OSBPL10: variants seen among roughly 807,000 people sequenced by gnomAD.
OSBPL10 encodes oxysterol binding protein like 10.
A neutral mutation model predicts 81.7 loss-of-function variants in OSBPL10; 49 were observed. The observed-to-expected ratio is 0.60, with a 90% confidence interval of 0.48 to 0.76. The LOEUF (loss-of-function observed/expected upper bound fraction) is 0.76. OSBPL10 is among the 30% of genes least tolerant of loss of function. The pLI is 0.00. For synonymous variants in OSBPL10, 419 were observed against 383.6 expected, an observed-to-expected ratio of 1.09 and a Z score of -1.08; for missense variants, 923 against 987.8, an observed-to-expected ratio of 0.93 and a Z score of 0.88.
intron 4 of OSBPL10, among the ~76,000 whole-genome samples, chr3:31,776,233 C>T (rs1240398619): frequency 6.6e-6 from 1 of 152,134 alleles, no homozygotes; most frequent in African/African-American, 2.4e-5. Context: ...AACATCATTA[C>T]TCATGAGGGA....
chr3:31,733,688 T>C (rs978154938), intron 5 of OSBPL10, among the ~76,000 whole-genome samples: 1 of 42,460 alleles, frequency 2.4e-5, no homozygotes, highest in Admixed American at 3.2e-4. Context: ...TAAAGGTGTT[T>C]TTTTTTTTTT....
intron 1 of OSBPL10, among the ~76,000 whole-genome samples, chr3:31,940,001 A>G (rs9839440): frequency 0.28 from 42,193 of 152,184 alleles, 6,994 homozygotes; most frequent in East Asian, 0.55. Flanking sequence ...GACTATAGGC[A>G]TAAGCCACTA....
In OSBPL10 at chr3:31,850,906, T is replaced by C. The variant is rs139141254; in HGVS notation, c.538-20675A>G. The stretch of plus-strand genomic sequence containing the variant: ...CCAATGATAGAACTATTGAGAAGAA[T>C]ACTCGAGTTTCTTCCATTCCTGAAC... On this transcript the variant is annotated intron_variant, in intron 3 of 11. Coordinates refer to ENST00000396556, the MANE Select transcript of OSBPL10 (RefSeq NM_017784.5). Among the ~76,000 whole-genome samples the C allele has an allele frequency of 3.4e-3, 513 of 152,308 alleles. 5 individuals carry two copies. The highest frequency in any genetic ancestry group is 0.012 in the African/African-American group (490 of 41,580).
At chr3:31,705,372 A>ACC (rs3840254) in intron 6 of OSBPL10, among the ~76,000 whole-genome samples, 19 of 130,628 alleles carry the variant, frequency 1.5e-4, no homozygotes, top group African/African-American at 5.0e-4. Flanking sequence ...CAAAGAGAAG[A>ACC]CCCCCCCCCC....
chr3:31,860,737 A>G (rs1261168826), intron 3 of OSBPL10, among the ~76,000 whole-genome samples: 1 of 152,126 alleles, frequency 6.6e-6, no homozygotes, highest in Non-Finnish European at 1.5e-5. Flanking sequence ...GTGCAGTGGC[A>G]CAATATCGGC....
At chr3:31,697,977 T>C (rs947754571) in intron 7 of OSBPL10, among the ~76,000 whole-genome samples, 1 of 151,900 alleles carries the variant, frequency 6.6e-6, no homozygotes. Context: ...TTGGCCAGGC[T>C]GGTCTCGAAC....
Position 31,747,911 on chromosome 3 carries a change from C to A in OSBPL10, c.939G>T (p.Ser313=). 1 of 1,613,220 alleles carries A rather than the reference C, an allele frequency of 6.2e-7. No homozygotes were observed. Among genetic ancestry groups the A allele is most frequent in the South Asian group, 1.1e-5 (1 of 91,026 alleles). Reference sequence around the variant, plus strand: ...TGGACAAGCCCCCGGGGGTCTTACCCGAGGCTCCTGGCTTCTGGCTGGGCT... The same window carrying A: ...TGGACAAGCCCCCGGGGGTCTTACCAGAGGCTCCTGGCTTCTGGCTGGGCT... ...AGQPSQKPGA[S]ENILGWHGSK... is the part of the protein sequence containing the mutation. The change falls in exon 5 of 12, where the codon TCG becomes TCT. Residue 313 remains serine (S), a splice_region_variant and synonymous_variant. Transcript: ENST00000396556.
At chr3:31,741,874 G>A (rs918336261) in intron 5 of OSBPL10, among the ~76,000 whole-genome samples, 4 of 152,136 alleles carry the variant, frequency 2.6e-5, no homozygotes, top group Admixed American at 1.3e-4. Context: ...TTTTAAAAAC[G>A]GGAGTTTCTC....
At chr3:31,698,195 A>C (rs892057566) in intron 7 of OSBPL10, among the ~76,000 whole-genome samples, 5 of 152,010 alleles carry the variant, frequency 3.3e-5, no homozygotes, top group Non-Finnish European at 7.4e-5. Context: ...CACGTCTGTA[A>C]TACCAGCACT....
At chr3:31,692,951 G>A (rs1242268994) in intron 7 of OSBPL10, among the ~76,000 whole-genome samples, 3 of 152,344 alleles carry the variant, frequency 2.0e-5, no homozygotes, top group African/African-American at 7.2e-5. Context: ...GACAGAAAGG[G>A]AGAAAGAATG....
At chr3:31,952,451 C>T (rs1559530108) in intron 1 of OSBPL10, among the ~76,000 whole-genome samples, 1 of 152,226 alleles carries the variant, frequency 6.6e-6, no homozygotes, top group Non-Finnish European at 1.5e-5. Flanking sequence ...CGTGAGAGCA[C>T]TTTGCATGCT....
intron 8 of OSBPL10, among the ~76,000 whole-genome samples, chr3:31,682,729 T>C (rs561755655): frequency 6.6e-6 from 1 of 152,370 alleles, no homozygotes; most frequent in Admixed American, 6.5e-5. Flanking sequence ...TTTATTTCAT[T>C]TCCCCGTGAG....
chr3:31,798,951 T>C (rs940979996), intron 4 of OSBPL10, among the ~76,000 whole-genome samples: 1 of 152,184 alleles, frequency 6.6e-6, no homozygotes. Context: ...TGAACTCCTA[T>C]GAGAATCTAA....
chr3:31,825,727 A>G (rs796110055), intron 4 of OSBPL10, among the ~76,000 whole-genome samples: 1 of 152,202 alleles, frequency 6.6e-6, no homozygotes, highest in Non-Finnish European at 1.5e-5. Context: ...GATTATGACT[A>G]CTTTCAAAAT....
chr3:31,921,650 C>A (rs1696918968), intron 1 of OSBPL10, among the ~76,000 whole-genome samples: 1 of 152,156 alleles, frequency 6.6e-6, no homozygotes, highest in Admixed American at 6.5e-5. Context: ...ACAAATCTCC[C>A]AGGCATCAGA....
intron 1 of OSBPL10, among the ~76,000 whole-genome samples, chr3:32,076,634 A>G (rs1055109383): frequency 6.6e-6 from 1 of 152,156 alleles, no homozygotes; most frequent in African/African-American, 2.4e-5. Context: ...GGGAATTGCA[A>G]TAAAGAAAGA....
rs560598659 is a variant in OSBPL10 at position 31,744,257 on chromosome 3, C to A, written c.940+3653G>T. Among the ~76,000 whole-genome samples the A allele has an allele frequency of 3.3e-5, 5 of 152,134 alleles. No individual in the cohort carries two copies. The East Asian group carries it at 9.7e-4, about 29-fold the overall frequency. ...AACAGTCCAAAAGAAGGAGAGTGAG[C>A]TAGCCAGGTGCGGTGGCTCACGCCT... On this transcript the variant is annotated intron_variant, in intron 5 of 11. Transcript: ENST00000396556.
chr3:31,717,484 G>A lies in OSBPL10; in HGVS notation c.1096-14976C>T, dbSNP rs573027648. Among the ~76,000 whole-genome samples, 14 of 152,204 alleles carry A rather than the reference G, an allele frequency of 9.2e-5. No individual in the cohort carries two copies. The East Asian group carries it at 2.5e-3, about 27-fold the overall frequency. The stretch of plus-strand genomic sequence containing the variant: ...GAAGAAAGCATCTGGCAGAAAACAG[G>A]CTCTAGCATTTTGTAGAAAAAAAAG... On this transcript the variant is annotated intron_variant, in intron 6 of 11. Coordinates refer to ENST00000396556, the MANE Select transcript of OSBPL10 (RefSeq NM_017784.5).
chr3:31,944,467 A>C (rs183236092), intron 1 of OSBPL10, among the ~76,000 whole-genome samples: 1 of 152,372 alleles, frequency 6.6e-6, no homozygotes, highest in East Asian at 1.9e-4. Flanking sequence ...TTCAAATGGC[A>C]ATCCATATTT....
Sources: gnomAD v4.1 joint callset for allele counts (sites outside exome capture counted in the v4.1 genomes callset) on GRCh38, gnomAD v4.1.1 for gene constraint, MANE v1.5 for transcripts, NCBI Gene and HGNC (gene_info 2026-07-23, HGNC 2026-07-21) for gene names.